The following MMP25 variants were observed in gnomAD, a reference collection of about 807,000 sequenced individuals.
MMP25 encodes matrix metallopeptidase 25.
Under a neutral mutation model 62.1 loss-of-function variants are expected in MMP25, and 68 were observed. The observed-to-expected ratio is 1.10, with a 90% CI of 0.90 to 1.34. MMP25 has a LOEUF of 1.34. MMP25 is among the 40% of genes most tolerant of loss of function. The pLI is 0.00. For synonymous variants in MMP25, 407 were observed against 345.6 expected, an observed-to-expected ratio of 1.18 and a Z score of -1.97; for missense variants, 942 against 792.5, an observed-to-expected ratio of 1.19 and a Z score of -2.26.
In MMP25 at chr16:3,057,395, G is replaced by A. The variant is rs763420245; in HGVS notation, c.923+1G>A. On this transcript the variant is annotated splice_donor_variant, in intron 6 of 9. Transcript: ENST00000336577. LOFTEE classifies it high-confidence loss of function. ...AGCCCCCGGCCTCGCCCACACACAG[G>A]TGAGTCCCCCACCAACTCGGAGACC... 2.5e-6 allele frequency: 4 copies of A among 1,611,430 alleles called. No individual in the cohort carries two copies. Among genetic ancestry groups the A allele is most frequent in the Non-Finnish European group, 2.5e-6 (3 of 1,178,454 alleles).
chr16:3,058,312 G>T lies in MMP25; in HGVS notation c.1138G>T (p.Gly380Cys), dbSNP rs758411367. 5 of 1,598,960 alleles carry T rather than the reference G, an allele frequency of 3.1e-6. No individual in the cohort carries two copies. The highest frequency in any genetic ancestry group is 4.3e-6 in the Non-Finnish European group (5 of 1,174,560). ...VQAAYARHRD[G>C]RILLFSGPQF... ...GGCCGCCTATGCTCGGCACCGAGACGGCCGAATCCTCCTCTTTAGCGGTGA... is the reference window on the plus strand; with the variant it reads ...GGCCGCCTATGCTCGGCACCGAGACTGCCGAATCCTCCTCTTTAGCGGTGA... Residue 380 changes from glycine (G) to cysteine (C), a missense_variant, in exon 8 of 10, where the codon GGC becomes TGC. Transcript: ENST00000336577.
Position 3,057,741 on chromosome 16 carries a change from T to G in MMP25, c.1006+128T>G, listed in dbSNP as rs144944737. On this transcript the variant is annotated intron_variant, in intron 7 of 9. Transcript: ENST00000336577. Reference sequence around the variant, plus strand: ...TGAGACAGGGTCTTGCTTTGTTGCCTGGGCCGCAGTGCAGTGGTGTGATCA... The same window carrying G: ...TGAGACAGGGTCTTGCTTTGTTGCCGGGGCCGCAGTGCAGTGGTGTGATCA... 928 of 842,554 alleles carry G rather than the reference T, an allele frequency of 1.1e-3. 13 individuals carry two copies. In the African/African-American group the frequency reaches 0.014, roughly 13 times the overall value. 52.2% of individuals were successfully genotyped at this position (842,554 alleles called of 1,614,324 possible).
intron 8 of MMP25, 38 bp from the exon 9 acceptor site, chr16:3,058,374 G>C (rs768455992): frequency 6.7e-7 from 1 of 1,497,832 alleles, no homozygotes; most frequent in East Asian, 2.6e-5. Flanking sequence ...GGCCGGCGCG[G>C]GGAGCCCACC....
rs1258151805 is a variant in MMP25 at position 3,058,906 on chromosome 16, G to C, written c.1497G>C (p.Gln499His). 6.4e-6 allele frequency: 10 copies of C among 1,553,512 alleles called. No homozygotes were observed. In the Admixed American group the frequency reaches 2.0e-4, roughly 30 times the overall value. ...NSIKTEPDAP[Q>H]PMGPNWLDCP... ...TCAAGACCGAGCCGGACGCCCCCCAGCCCATGGGGCCCAACTGGCTGGACT... is the reference window on the plus strand; with the variant it reads ...TCAAGACCGAGCCGGACGCCCCCCACCCCATGGGGCCCAACTGGCTGGACT... The change falls in exon 10 of 10, where the codon CAG (glutamine) becomes CAC (histidine). Residue 499 changes from glutamine (Q) to histidine (H), a missense_variant. Coordinates refer to ENST00000336577, the MANE Select transcript of MMP25 (RefSeq NM_022468.5).
Position 3,046,910 on chromosome 16 carries a change from G to A in MMP25, c.-8G>A. ...GAACCCCGCCGGCGGCCCGGGCTGG[G>A]GCGCACCATGCGGCTGCGGCTCCGG... is the stretch of plus-strand genomic sequence containing the variant. On this transcript the variant is annotated 5_prime_UTR_variant, in exon 1 of 10. Coordinates refer to ENST00000336577, the MANE Select transcript of MMP25 (RefSeq NM_022468.5). 1 of 1,437,824 alleles carries A rather than the reference G, an allele frequency of 7.0e-7. No homozygotes were observed. Among genetic ancestry groups the A allele is most frequent in the South Asian group, 1.4e-5 (1 of 72,402 alleles). The allele number at this position is 1,437,824 out of a possible 1,614,324, so 89.1% of individuals were successfully genotyped here.
Position 3,050,553 on chromosome 16 carries a change from TCTC to T in MMP25, c.661+11_661+13del, listed in dbSNP as rs1429889513. On this transcript the variant is annotated splice_region_variant and intron_variant, in intron 4 of 9. Coordinates refer to ENST00000336577, the MANE Select transcript of MMP25 (RefSeq NM_022468.5). ...TGGACTTTTGGGTCAAAAGGTAAAA[TCTC>T]CTCTCTTATGAGAGATCCTCTTGCC... 26 of 1,527,178 alleles carry T rather than the reference TCTC, an allele frequency of 1.7e-5. No homozygotes were observed. Among genetic ancestry groups the T allele is most frequent in the Non-Finnish European group, 2.3e-5 (26 of 1,138,732 alleles). The allele number at this position is 1,527,178 out of a possible 1,614,324, so 94.6% of individuals were successfully genotyped here.
At chr16:3,054,026 T>C (rs911838453) in intron 4 of MMP25, 6 of 150,304 alleles carry the variant, frequency 4.0e-5, no homozygotes, top group Non-Finnish European at 7.4e-5. Flanking sequence ...ACGAGCGTCT[T>C]AGGATGAGGG....
Position 3,059,501 on chromosome 16 carries a change from G to A in MMP25, c.*403G>A, listed in dbSNP as rs7189214. The A allele has an allele frequency of 0.14, 24,253 of 172,114 alleles. 2,437 individuals are homozygous for A. The highest frequency in any genetic ancestry group is 0.29 in the African/African-American group (12,123 of 42,238). 10.7% of individuals were successfully genotyped at this position (172,114 alleles called of 1,614,324 possible). On this transcript the variant is annotated 3_prime_UTR_variant, in exon 10 of 10. Coordinates refer to ENST00000336577, the MANE Select transcript of MMP25 (RefSeq NM_022468.5). ...CTCACCCGGAGGGACGGCAGCCCCG[G>A]TCGCGCGCTGGCCCCGCAGGACCTT...
At chr16:3,049,973 GT>G in intron 2 of MMP25, 35 bp from the exon 3 acceptor site, 1 of 1,604,262 alleles carries the variant, frequency 6.2e-7, no homozygotes. Context: ...CTCTCCTATT[GT>G]GGACACACCC....
Position 3,058,909 on chromosome 16 carries a change from C to T in MMP25, c.1500C>T (p.Pro500=). ...SIKTEPDAPQ[P]MGPNWLDCPA... is the part of the protein sequence containing the mutation. ...AGACCGAGCCGGACGCCCCCCAGCC[C>T]ATGGGGCCCAACTGGCTGGACTGCC... is the stretch of plus-strand genomic sequence containing the variant. The change falls in exon 10 of 10, where the codon CCC becomes CCT. Residue 500 remains proline, a synonymous_variant. Coordinates refer to ENST00000336577, the MANE Select transcript of MMP25 (RefSeq NM_022468.5). The T allele has an allele frequency of 6.4e-7, 1 of 1,553,950 alleles. No individual in the cohort carries two copies. Among genetic ancestry groups the T allele is most frequent in the South Asian group, 1.2e-5 (1 of 84,250 alleles).
rs1398191786 is a variant in MMP25 at position 3,056,906 on chromosome 16, G to T, written c.662-127G>T. 6 of 937,448 alleles carry T rather than the reference G, an allele frequency of 6.4e-6. No individual in the cohort carries two copies. The African/African-American group carries it at 6.7e-5, about 10-fold the overall frequency. 58.1% of individuals were successfully genotyped at this position (937,448 alleles called of 1,614,324 possible). A position where few individuals can be genotyped will look rare whatever the true frequency, so the allele number is the denominator to read the frequency against. On this transcript the variant is annotated intron_variant, in intron 4 of 9. Coordinates refer to ENST00000336577, the MANE Select transcript of MMP25 (RefSeq NM_022468.5). Reference sequence around the variant, plus strand: ...AGAGTTCAGGAAGGGCTGGGCAGAGGAGGCTGGGGCCACCTCTGGAGGGTG... The same window carrying T: ...AGAGTTCAGGAAGGGCTGGGCAGAGTAGGCTGGGGCCACCTCTGGAGGGTG...
chr16:3,058,066 G>C (rs1393866071), intron 7 of MMP25, 115 bp from the exon 8 acceptor site: 3 of 1,281,608 alleles, frequency 2.3e-6, no homozygotes, highest in Non-Finnish European at 3.3e-6. Context: ...GGTCACCCTA[G>C]ATCCATTGCG....
intron 4 of MMP25, chr16:3,054,603 T>C: frequency 6.6e-5 from 10 of 150,566 alleles, no homozygotes; most frequent in Non-Finnish European, 8.8e-5. Flanking sequence ...GATGGACAGA[T>C]GCATGCACAG....
At position 3,057,085 on chromosome 16, in the gene MMP25, C is replaced by T. The variant is rs1308693985; in HGVS notation, c.714C>T (p.Ala238=). ...FAVAVHEFGH[A]LGLGHSSAPN... is the part of the protein sequence containing the mutation. ...TGGCTGTCCATGAGTTTGGCCACGCCCTGGGCCTGGGCCACTCCTCAGCCC... is the reference window on the plus strand; with the variant it reads ...TGGCTGTCCATGAGTTTGGCCACGCTCTGGGCCTGGGCCACTCCTCAGCCC... Residue 238 remains alanine (A), a synonymous_variant, in exon 5 of 10, where the codon GCC becomes GCT. Transcript: ENST00000336577. 1.2e-6 allele frequency: 2 copies of T among 1,610,766 alleles called. No individual in the cohort carries two copies. The highest frequency in any genetic ancestry group is 4.5e-5 in the East Asian group (2 of 44,830).
rs1956024242 is a variant in MMP25 at position 3,057,124 on chromosome 16, G to A, written c.753G>A (p.Met251Ile). 3.1e-6 allele frequency: 5 copies of A among 1,613,488 alleles called. No homozygotes were observed. The highest frequency in any genetic ancestry group is 1.3e-5 in the African/African-American group (1 of 75,006). The change falls in exon 5 of 10, where the codon ATG (methionine) becomes ATA (isoleucine). Residue 251 changes from methionine to isoleucine, a missense_variant. Coordinates refer to ENST00000336577, the MANE Select transcript of MMP25 (RefSeq NM_022468.5). ...LGHSSAPNSI[M>I]RPFYQGPVGD... ...ACTCCTCAGCCCCCAACTCCATTAT[G>A]AGGCCCTTCTACCAGGGTCCGGTGG...
Position 3,059,155 on chromosome 16 carries a change from G to C in MMP25, c.*57G>C. 1 of 1,468,810 alleles carries C rather than the reference G, an allele frequency of 6.8e-7. No homozygotes were observed. Among genetic ancestry groups the C allele is most frequent in the Non-Finnish European group, 9.1e-7 (1 of 1,104,198 alleles). The allele number at this position is 1,468,810 out of a possible 1,614,324, so 91.0% of individuals were successfully genotyped here. ...TCCACGGCCGAGTCCCCCGCCGCTG[G>C]ACCTGGTCGGGGGTTGTGAGGCGCT... On this transcript the variant is annotated 3_prime_UTR_variant, in exon 10 of 10. Transcript: ENST00000336577.
In MMP25 at chr16:3,046,816, C is replaced by T; in HGVS notation, c.-102C>T. ...ATCCCTCCCTACTCGGTGCCGGGTG[C>T]CCCCCGCCCTCTCCAGGCCCGGATC... On this transcript the variant is annotated 5_prime_UTR_variant, in exon 1 of 10. Coordinates refer to ENST00000336577, the MANE Select transcript of MMP25 (RefSeq NM_022468.5). The T allele has an allele frequency of 5.2e-6, 3 of 579,284 alleles. No homozygotes were observed. Among genetic ancestry groups the T allele is most frequent in the Non-Finnish European group, 8.2e-6 (3 of 364,694 alleles). 35.9% of individuals were successfully genotyped at this position (579,284 alleles called of 1,614,324 possible). A position where few individuals can be genotyped will look rare whatever the true frequency, so the allele number is the denominator to read the frequency against.
chr16:3,046,673 C>G lies in MMP25; in HGVS notation c.-245C>G. 1 of 368,372 alleles carries G rather than the reference C, an allele frequency of 2.7e-6. No individual in the cohort carries two copies. The highest frequency in any genetic ancestry group is 4.1e-5 in the East Asian group (1 of 24,604). The allele number at this position is 368,372 out of a possible 1,614,324, so 22.8% of individuals were successfully genotyped here. A position where few individuals can be genotyped will look rare whatever the true frequency, so the allele number is the denominator to read the frequency against. On this transcript the variant is annotated 5_prime_UTR_variant, in exon 1 of 10. Transcript: ENST00000336577. ...TCCGCCGCTCCCGCGCCCTCTCAAC[C>G]ATCCTGGGATTCCCGGGCCCACCCG... is the stretch of plus-strand genomic sequence containing the variant.
Position 3,059,095 on chromosome 16 carries a change from C to A in MMP25, c.1686C>A (p.Arg562=). The change falls in exon 10 of 10, where the codon CGC becomes CGA. Residue 562 remains arginine, a synonymous_variant. Coordinates refer to ENST00000336577, the MANE Select transcript of MMP25 (RefSeq NM_022468.5). The part of the protein sequence containing the change: ...LPLLVGGVAS[R] ...TGCTGGTGGGGGGTGTAGCCTCCCG[C>A]TGATGGGGGGAGCCATCCAGACCGA... 1 of 1,540,308 alleles carries A rather than the reference C, an allele frequency of 6.5e-7. No individual in the cohort carries two copies. The highest frequency in any genetic ancestry group is 8.8e-7 in the Non-Finnish European group (1 of 1,140,522).
Sources: allele counts gnomAD v4.1 joint callset, GRCh38; gene constraint gnomAD v4.1.1; transcripts MANE v1.5; gene names NCBI Gene and HGNC (gene_info 2026-07-23, HGNC 2026-07-21).